GTF2IRD2: variants seen among roughly 807,000 people sequenced by gnomAD.
GTF2IRD2 encodes the protein general transcription factor II-I repeat domain-containing protein 2A.
In GTF2IRD2, 8 loss-of-function variants were observed where a neutral mutation model predicts 49.2. The observed-to-expected ratio is 0.16, with a 90% CI of 0.10 to 0.29. GTF2IRD2 has a LOEUF of 0.29. Among genes scored for constraint, GTF2IRD2 ranks in the 10% least tolerant of loss-of-function variants. The probability of loss-of-function intolerance (pLI) is 1.00; values close to 1 mark genes in which losing one functional copy is unlikely to be tolerated. For synonymous variants in GTF2IRD2, 47 were observed against 289.7 expected (o/e 0.16, Z 8.51); for missense variants, 130 against 725.7 (o/e 0.18, Z 9.43).
At chr7:74,836,030 T>G (rs1800281437) in intron 2 of GTF2IRD2, among the ~76,000 whole-genome samples, 1 of 129,492 alleles carries the variant, frequency 7.7e-6, no homozygotes, top group Non-Finnish European at 1.5e-5. Flanking sequence ...CTGGTGCCTA[T>G]AATCCCAGCT....
intron 8 of GTF2IRD2, among the ~76,000 whole-genome samples, chr7:74,815,798 GA>G (rs1798463292): frequency 9.5e-3 from 62 of 6,552 alleles, no homozygotes; most frequent in Non-Finnish European, 0.014. Context: ...AAGAAAGAAG[GA>G]AAGAAAGAAA....
chr7:74,815,479 G>A (rs1187518898), intron 8 of GTF2IRD2, among the ~76,000 whole-genome samples: 1 of 91,310 alleles, frequency 1.1e-5, no homozygotes, highest in African/African-American at 3.1e-5. Context: ...GGCCTGGTGC[G>A]GTGGCTCATG....
intron 3 of GTF2IRD2, among the ~76,000 whole-genome samples, chr7:74,830,556 A>G (rs1265330903): frequency 6.8e-6 from 1 of 146,452 alleles, no homozygotes; most frequent in African/African-American, 2.5e-5. Flanking sequence ...GAAAGAAATC[A>G]TATCCTTTGC....
chr7:74,819,754 C>CT (rs1488310157), intron 7 of GTF2IRD2, among the ~76,000 whole-genome samples, 157 bp from the exon 8 acceptor site: 9 of 150,350 alleles, frequency 6.0e-5, no homozygotes, highest in Admixed American at 4.0e-4. Context: ...ACATTAATGT[C>CT]TTAATAAGTT....
intron 1 of GTF2IRD2, among the ~76,000 whole-genome samples, chr7:74,838,439 G>T: frequency 1.2e-5 from 1 of 85,042 alleles, no homozygotes; most frequent in Non-Finnish European, 2.0e-5. Flanking sequence ...ATCTCACTCT[G>T]TCACCCAGTC....
intron 3 of GTF2IRD2, among the ~76,000 whole-genome samples, chr7:74,829,682 C>T (rs1355930613): frequency 6.8e-6 from 1 of 147,572 alleles, no homozygotes; most frequent in African/African-American, 2.5e-5. Flanking sequence ...GAATTCAAGA[C>T]CATCCTGGCC....
intron 6 of GTF2IRD2, 126 bp from the exon 7 acceptor site, chr7:74,820,149 GA>G: frequency 1.5e-6 from 1 of 674,012 alleles, no homozygotes. Context: ...AGCCAACGTG[GA>G]AAAGTCATCG....
intron 3 of GTF2IRD2, among the ~76,000 whole-genome samples, chr7:74,825,885 C>G (rs1392114729): frequency 1.3e-5 from 2 of 149,516 alleles, no homozygotes; most frequent in African/African-American, 4.9e-5. Context: ...ACTGCAAGTT[C>G]TGCCTCCCGG....
Position 74,796,316 on chromosome 7 carries a change from G to T in GTF2IRD2, c.*346C>A, listed in dbSNP as rs1554416116. On this transcript the variant is annotated 3_prime_UTR_variant, in exon 16 of 16. Coordinates refer to ENST00000451013, the MANE Select transcript of GTF2IRD2 (RefSeq NM_173537.5). ...ACAGTGGTTCATGCCTGTAATCCCA[G>T]CACTTTGTGAGGTCGAGGCAGGTGG... 1.2e-5 allele frequency: 4 copies of T among 344,582 alleles called. No individual in the cohort carries two copies. The highest frequency in any genetic ancestry group is 4.2e-5 in the Admixed American group (1 of 23,804). The allele number at this position is 344,582 out of a possible 1,614,324, so 21.3% of individuals were successfully genotyped here.
chr7:74,824,091 G>A (rs1295056950), intron 4 of GTF2IRD2, among the ~76,000 whole-genome samples: 11 of 119,292 alleles, frequency 9.2e-5, no homozygotes, highest in South Asian at 3.3e-4. Flanking sequence ...GCAGGAACCC[G>A]AGAGGCGGAG....
intron 1 of GTF2IRD2, among the ~76,000 whole-genome samples, chr7:74,842,488 C>T (rs1252675656): frequency 7.0e-6 from 1 of 143,420 alleles, no homozygotes; most frequent in Non-Finnish European, 1.5e-5. Context: ...TCCTTGGCCT[C>T]CCAAAGTGCT....
At chr7:74,833,329 C>T (rs1800025423) in intron 2 of GTF2IRD2, among the ~76,000 whole-genome samples, 1 of 65,908 alleles carries the variant, frequency 1.5e-5, no homozygotes, top group Non-Finnish European at 2.9e-5. Context: ...GATCCGCCCA[C>T]CTTGGCCTCC....
chr7:74,823,133 C>A (rs1422446147), intron 4 of GTF2IRD2, among the ~76,000 whole-genome samples: 1 of 88,330 alleles, frequency 1.1e-5, no homozygotes, highest in Non-Finnish European at 2.2e-5. Flanking sequence ...CCCACCTTAG[C>A]CTGCCAAAGT....
intron 1 of GTF2IRD2, among the ~76,000 whole-genome samples, chr7:74,848,909 TG>T (rs1349443182): frequency 2.4e-5 from 1 of 41,442 alleles, no homozygotes; most frequent in Non-Finnish European, 4.8e-5. Context: ...CAATAAGTTT[TG>T]GATTTTGGAA....
chr7:74,809,758 C>T (rs1399133181), intron 10 of GTF2IRD2, among the ~76,000 whole-genome samples: 1 of 129,946 alleles, frequency 7.7e-6, no homozygotes, highest in East Asian at 2.2e-4. Context: ...ATGTCCCACG[C>T]CTCTAGGTTT....
In GTF2IRD2 at chr7:74,797,290, AG is replaced by A. The variant is rs782388077; in HGVS notation, c.2221del (p.Leu741CysfsTer4). 75 of 793,938 alleles carry A rather than the reference AG, an allele frequency of 9.4e-5. No individual in the cohort carries two copies. Among genetic ancestry groups the A allele is most frequent in the Non-Finnish European group, 1.6e-4 (71 of 455,410 alleles). The allele number at this position is 793,938 out of a possible 1,614,324, so 49.2% of individuals were successfully genotyped here. ...DSFMSSRGKP[L>X]PQLSSIDWIR... The stretch of plus-strand genomic sequence containing the variant: ...CCAATCTATGGAGCTCAGTTGAGGC[AG>A]GGGTTTCCCTCTGGATGACATGAAG... On this transcript the variant is annotated frameshift_variant, in exon 16 of 16. Transcript: ENST00000451013. LOFTEE classifies it high-confidence loss of function.
At chr7:74,806,898 T>C in intron 12 of GTF2IRD2, 36 bp downstream of exon 12, 1 of 114,334 alleles carries the variant, frequency 8.7e-6, no homozygotes, top group South Asian at 7.3e-5. Context: ...CAAAAAATAA[T>C]TAAGACAAAA....
chr7:74,821,685 C>T (rs587739565), intron 6 of GTF2IRD2: 1 of 35,156 alleles, frequency 2.8e-5, no homozygotes, highest in African/African-American at 2.0e-4. Flanking sequence ...TCCTGAGTAA[C>T]TGGGATTACA....
At position 74,841,454 on chromosome 7, in the gene GTF2IRD2, C is replaced by G. The variant is rs1431249805; in HGVS notation, c.-5-5071G>C. Among the ~76,000 whole-genome samples, 3 of 133,290 alleles carry G rather than the reference C, an allele frequency of 2.3e-5. 1 individual carries two copies. The highest frequency in any genetic ancestry group is 4.6e-5 in the Non-Finnish European group (3 of 65,694). The allele number at this position is 133,290 out of a possible 152,430, so 87.4% of individuals were successfully genotyped here. A position where few individuals can be genotyped will look rare whatever the true frequency, so the allele number is the denominator to read the frequency against. ...GAAGCCCTGTGATTACAGCCATGAG[C>G]CACTGAGCCTGGTCAGCTTTTTTAT... On this transcript the variant is annotated intron_variant, in intron 1 of 15. Coordinates refer to ENST00000451013, the MANE Select transcript of GTF2IRD2 (RefSeq NM_173537.5).
Sources: gnomAD v4.1 joint callset for allele counts (sites outside exome capture counted in the v4.1 genomes callset) on GRCh38, gnomAD v4.1.1 for gene constraint, MANE v1.5 for transcripts, NCBI Gene and HGNC (gene_info 2026-07-23, HGNC 2026-07-21) for gene names.